HLA-DMA: variants seen among roughly 807,000 people sequenced by gnomAD.
The protein encoded by HLA-DMA is major histocompatibility complex, class II, DM alpha.
HLA-DMA carries 20 observed loss-of-function variants against 27.3 expected under a neutral mutation model. That is an observed-to-expected ratio of 0.73 (90% CI 0.52 to 1.07). The LOEUF (loss-of-function observed/expected upper bound fraction) is 1.07. Among genes scored for constraint, HLA-DMA ranks in the 50% least tolerant of loss-of-function variants. HLA-DMA has a pLI of 0.00. For synonymous variants in HLA-DMA, 111 were observed against 126.8 expected (o/e 0.88, Z 0.83); for missense variants, 241 against 321.7 (o/e 0.75, Z 1.92).
chr6:32,952,586 G>C, intron 1 of HLA-DMA: 1 of 422,188 alleles, frequency 2.4e-6, no homozygotes, highest in South Asian at 2.1e-5. Context: ...CACAAGATAA[G>C]TTAATGATAG....
At position 32,949,519 on chromosome 6, in the gene HLA-DMA, A is replaced by G; in HGVS notation, c.652+92T>C. On this transcript the variant is annotated intron_variant, in intron 3 of 4. Transcript: ENST00000374843. This position sits in a 1 kb window ranked among gnomAD's most constrained non-coding sequence, Gnocchi z 5.8. ...GATGGGCTTAGGGTAGGAATGGACT[A>G]AACAAGGTACCAGTGGAGAAAGAAG... 6.3e-7 allele frequency: 1 copy of G among 1,590,702 alleles called. No homozygotes were observed. Among genetic ancestry groups the G allele is most frequent in the East Asian group, 2.2e-5 (1 of 44,650 alleles).
Position 32,949,761 on chromosome 6 carries a change from C to A in HLA-DMA, c.502G>T (p.Val168Leu). 6.2e-7 allele frequency: 1 copy of A among 1,613,068 alleles called. No homozygotes were observed. The highest frequency in any genetic ancestry group is 8.5e-7 in the Non-Finnish European group (1 of 1,180,040). ...TVNWQHHSVP[V>L]EGFGPTFVSA... is the part of the protein sequence containing the mutation. ...ACAAAAGTAGGCCCAAATCCTTCCA[C>A]AGGGACGGAATGATGCTGCCAGTTC... The change falls in exon 3 of 5, where the codon GTG becomes TTG. Residue 168 changes from valine (V) to leucine (L), a missense_variant. Coordinates refer to ENST00000374843, the MANE Select transcript of HLA-DMA (RefSeq NM_006120.4). This position sits in a 1 kb window ranked among gnomAD's most constrained non-coding sequence, Gnocchi z 5.8.
Position 32,949,916 on chromosome 6 carries a change from G to GA in HLA-DMA, c.374-28dup. The GA allele has an allele frequency of 6.2e-7, 1 of 1,606,992 alleles. No homozygotes were observed. Among genetic ancestry groups the GA allele is most frequent in the Non-Finnish European group, 8.5e-7 (1 of 1,176,786 alleles). ...TGGTGGGGGGATTGAAGTGTAGGGGGAAAAAGAGACTAGTTTAGATGGTAT... is the reference window on the plus strand; with the variant it reads ...TGGTGGGGGGATTGAAGTGTAGGGGGAAAAAAGAGACTAGTTTAGATGGTAT... On this transcript the variant is annotated intron_variant, in intron 2 of 4. Transcript: ENST00000374843. The surrounding 1 kb of genome is among the most constrained non-coding windows in gnomAD (Gnocchi z 5.8).
In HLA-DMA at chr6:32,949,485, G is replaced by C; in HGVS notation, c.653-86C>G. 1 of 1,601,116 alleles carries C rather than the reference G, an allele frequency of 6.2e-7. No individual in the cohort carries two copies. Among genetic ancestry groups the C allele is most frequent in the Non-Finnish European group, 8.5e-7 (1 of 1,169,844 alleles). Reference sequence around the variant, plus strand: ...TGACGTGGGTGTCTGGGATGACATGGGAGACTGGGATGGGCTTAGGGTAGG... The same window carrying C: ...TGACGTGGGTGTCTGGGATGACATGCGAGACTGGGATGGGCTTAGGGTAGG... On this transcript the variant is annotated intron_variant, in intron 3 of 4. Coordinates refer to ENST00000374843, the MANE Select transcript of HLA-DMA (RefSeq NM_006120.4). This position sits in a 1 kb window ranked among gnomAD's most constrained non-coding sequence, Gnocchi z 5.8.
intron 1 of HLA-DMA, among the ~76,000 whole-genome samples, chr6:32,951,422 G>A (rs939184591): frequency 6.6e-6 from 1 of 151,860 alleles, no homozygotes. Flanking sequence ...TTGAGCCCAG[G>A]AGTTCAAGAC....
Position 32,952,900 on chromosome 6 carries a change from A to C in HLA-DMA, c.88+49T>G, listed in dbSNP as rs909610683. The C allele has an allele frequency of 4.2e-6, 6 of 1,424,112 alleles. No individual in the cohort carries two copies. The Admixed American group carries it at 6.9e-5, about 16-fold the overall frequency. 88.2% of individuals were successfully genotyped at this position (1,424,112 alleles called of 1,614,324 possible). On this transcript the variant is annotated intron_variant, in intron 1 of 4. Transcript: ENST00000374843. The stretch of plus-strand genomic sequence containing the variant: ...CACAGCGCTTTTCCTCACAAAGCTG[A>C]GTGGGCTCCCTAGGTTCAGGATGGA...
At chr6:32,952,023 G>A (rs993941477) in intron 1 of HLA-DMA, among the ~76,000 whole-genome samples, 4 of 152,134 alleles carry the variant, frequency 2.6e-5, no homozygotes, top group African/African-American at 9.7e-5. Context: ...TGTGTTTGGG[G>A]GCTGCACAAA....
chr6:32,950,527 A>C lies in HLA-DMA; in HGVS notation c.365T>G (p.Val122Gly). The change falls in exon 2 of 5, where the codon GTG (valine) becomes GGG (glycine). Residue 122 changes from valine (V) to glycine (G), a missense_variant. By Grantham distance (109) the Val-to-Gly change is moderately radical. Transcript: ENST00000374843. The surrounding 1 kb of genome is among the most constrained non-coding windows in gnomAD (Gnocchi z 5.0). ...CCCAGAAAACTCCTGACCTCTGGAC[A>C]CCGGGATTTTCCCATCAAGTTTTGG... ...IGPKLDGKIP[V>G]SRGFPIAEVF... is the part of the protein sequence containing the mutation. 6.2e-7 allele frequency: 1 copy of C among 1,613,034 alleles called. No individual in the cohort carries two copies. The highest frequency in any genetic ancestry group is 8.5e-7 in the Non-Finnish European group (1 of 1,180,008).
chr6:32,950,124 T>C lies in HLA-DMA; in HGVS notation c.374-235A>G. Reference sequence around the variant, plus strand: ...CAGGCTACTCTGGACCCCTCCACCATGACTTCCTTCAGCACTTCCTGTCTA... The same window carrying C: ...CAGGCTACTCTGGACCCCTCCACCACGACTTCCTTCAGCACTTCCTGTCTA... On this transcript the variant is annotated intron_variant, in intron 2 of 4. Coordinates refer to ENST00000374843, the MANE Select transcript of HLA-DMA (RefSeq NM_006120.4). The surrounding 1 kb of genome is among the most constrained non-coding windows in gnomAD (Gnocchi z 5.0). The C allele has an allele frequency of 1.7e-6, 1 of 599,714 alleles. No individual in the cohort carries two copies. Among genetic ancestry groups the C allele is most frequent in the East Asian group, 2.8e-5 (1 of 36,298 alleles). The allele number at this position is 599,714 out of a possible 1,614,324, so 37.1% of individuals were successfully genotyped here.
At position 32,949,525 on chromosome 6, in the gene HLA-DMA, G is replaced by C. The variant is rs2127480152; in HGVS notation, c.652+86C>G. ...CTTAGGGTAGGAATGGACTAAACAA[G>C]GTACCAGTGGAGAAAGAAGCCTCCT... On this transcript the variant is annotated intron_variant, in intron 3 of 4. Transcript: ENST00000374843. This position sits in a 1 kb window ranked among gnomAD's most constrained non-coding sequence, Gnocchi z 5.8. 1.3e-6 allele frequency: 2 copies of C among 1,588,870 alleles called. No individual in the cohort carries two copies. The highest frequency in any genetic ancestry group is 1.1e-5 in the South Asian group (1 of 89,406).
Position 32,949,577 on chromosome 6 carries a change from C to A in HLA-DMA, c.652+34G>T, listed in dbSNP as rs935820952. 5 of 1,607,824 alleles carry A rather than the reference C, an allele frequency of 3.1e-6. No individual in the cohort carries two copies. The highest frequency in any genetic ancestry group is 2.2e-5 in the South Asian group (2 of 90,788). On this transcript the variant is annotated intron_variant, in intron 3 of 4. Transcript: ENST00000374843. The surrounding 1 kb of genome is among the most constrained non-coding windows in gnomAD (Gnocchi z 5.8). ...CCATGGATCTATCCCTTTTTGCCCC[C>A]AAAAGGACCAGAATTCCAGGGAGAA...
Position 32,948,735 on chromosome 6 carries a change from A to T in HLA-DMA, c.*129T>A. 8.8e-7 allele frequency: 1 copy of T among 1,130,870 alleles called. No homozygotes were observed. The highest frequency in any genetic ancestry group is 1.3e-6 in the Non-Finnish European group (1 of 750,910). The allele number at this position is 1,130,870 out of a possible 1,614,324, so 70.1% of individuals were successfully genotyped here. ...AGCAGAGTCCCCAGGTGGGAAATCT[A>T]CACACACACCCCAGGGATGTCCCAG... On this transcript the variant is annotated 3_prime_UTR_variant, in exon 5 of 5. Coordinates refer to ENST00000374843, the MANE Select transcript of HLA-DMA (RefSeq NM_006120.4).
chr6:32,950,071 C>T lies in HLA-DMA; in HGVS notation c.374-182G>A. ...GAGGTCTTCTTCCAGGCAAGGACTG[C>T]AGCTAGACATAGAAGCAGAGCCAGA... On this transcript the variant is annotated intron_variant, in intron 2 of 4. Coordinates refer to ENST00000374843, the MANE Select transcript of HLA-DMA (RefSeq NM_006120.4). This position sits in a 1 kb window ranked among gnomAD's most constrained non-coding sequence, Gnocchi z 5.0. 1 of 638,258 alleles carries T rather than the reference C, an allele frequency of 1.6e-6. No individual in the cohort carries two copies. Among genetic ancestry groups the T allele is most frequent in the Non-Finnish European group, 2.7e-6 (1 of 372,164 alleles). 39.5% of individuals were successfully genotyped at this position (638,258 alleles called of 1,614,324 possible).
chr6:32,948,775 A>G lies in HLA-DMA; in HGVS notation c.*89T>C. 1 of 1,449,358 alleles carries G rather than the reference A, an allele frequency of 6.9e-7. No homozygotes were observed. Among genetic ancestry groups the G allele is most frequent in the Non-Finnish European group, 9.7e-7 (1 of 1,032,094 alleles). 89.8% of individuals were successfully genotyped at this position (1,449,358 alleles called of 1,614,324 possible). On this transcript the variant is annotated 3_prime_UTR_variant, in exon 5 of 5. Transcript: ENST00000374843. ...GGATGTCCCAGAGACTTCTACCCTA[A>G]GAGGAGATCCTGGGCAGGATGTGAG...
intron 4 of HLA-DMA, 100 bp from the exon 5 acceptor site, chr6:32,948,968 T>C (rs538684284): frequency 4.7e-5 from 64 of 1,347,374 alleles, no homozygotes; most frequent in Non-Finnish European, 6.2e-5. Context: ...TCGCCCTGCC[T>C]GCACCACACC....
rs1384572477 is a variant in HLA-DMA at position 32,949,774 on chromosome 6, A to G, written c.489T>C (p.His163=). The G allele has an allele frequency of 1.2e-6, 2 of 1,613,116 alleles. No individual in the cohort carries two copies. The highest frequency in any genetic ancestry group is 2.7e-5 in the African/African-American group (2 of 75,066). Residue 163 remains histidine (H), a synonymous_variant, in exon 3 of 5, where the codon CAT becomes CAC. Coordinates refer to ENST00000374843, the MANE Select transcript of HLA-DMA (RefSeq NM_006120.4). This position sits in a 1 kb window ranked among gnomAD's most constrained non-coding sequence, Gnocchi z 5.8. Reference sequence around the variant, plus strand: ...CAAATCCTTCCACAGGGACGGAATGATGCTGCCAGTTCACTGTCAGCATGG... The same window carrying G: ...CAAATCCTTCCACAGGGACGGAATGGTGCTGCCAGTTCACTGTCAGCATGG... ...FPPMLTVNWQ[H]HSVPVEGFGP...
In HLA-DMA at chr6:32,948,787, G is replaced by C; in HGVS notation, c.*77C>G. On this transcript the variant is annotated 3_prime_UTR_variant, in exon 5 of 5. Coordinates refer to ENST00000374843, the MANE Select transcript of HLA-DMA (RefSeq NM_006120.4). ...GACTTCTACCCTAAGAGGAGATCCT[G>C]GGCAGGATGTGAGAAATCTGAGCAT... 10 of 1,548,106 alleles carry C rather than the reference G, an allele frequency of 6.5e-6. No homozygotes were observed. Among genetic ancestry groups the C allele is most frequent in the Non-Finnish European group, 8.9e-6 (10 of 1,120,048 alleles).
At position 32,949,619 on chromosome 6, in the gene HLA-DMA, G is replaced by C; in HGVS notation, c.644C>G (p.Ala215Gly). 6.2e-7 allele frequency: 1 copy of C among 1,613,102 alleles called. No homozygotes were observed. The highest frequency in any genetic ancestry group is 1.1e-5 in the South Asian group (1 of 91,088). The stretch of plus-strand genomic sequence containing the variant: ...CAGGGAGAAAGCCTCACCCCAATAG[G>C]CAATTGCTGTGTAGCGGTCAATTTC... ...THEIDRYTAI[A>G]YWVPRNALPS... Residue 215 changes from alanine (A) to glycine (G), a missense_variant, in exon 3 of 5, where the codon GCC (alanine) becomes GGC (glycine). Ala to Gly is a moderately conservative substitution (Grantham distance 60, BLOSUM62 0). Coordinates refer to ENST00000374843, the MANE Select transcript of HLA-DMA (RefSeq NM_006120.4). The surrounding 1 kb of genome is among the most constrained non-coding windows in gnomAD (Gnocchi z 5.8).
Position 32,950,427 on chromosome 6 carries a change from A to G in HLA-DMA, c.373+92T>C. 1.4e-6 allele frequency: 2 copies of G among 1,410,942 alleles called. No individual in the cohort carries two copies. The highest frequency in any genetic ancestry group is 2.0e-6 in the Non-Finnish European group (2 of 1,018,446). The allele number at this position is 1,410,942 out of a possible 1,614,324, so 87.4% of individuals were successfully genotyped here. A position where few individuals can be genotyped will look rare whatever the true frequency, so the allele number is the denominator to read the frequency against. On this transcript the variant is annotated intron_variant, in intron 2 of 4. Coordinates refer to ENST00000374843, the MANE Select transcript of HLA-DMA (RefSeq NM_006120.4). This position sits in a 1 kb window ranked among gnomAD's most constrained non-coding sequence, Gnocchi z 5.0. ...TGAAGAGAACCAGAAAGTATTTGAG[A>G]TGGGGAGCTGGTATCAAGGGGAATT...
Sources: allele counts gnomAD v4.1 joint callset (sites outside exome capture counted in the v4.1 genomes callset), GRCh38; gene constraint gnomAD v4.1.1; non-coding constraint Gnocchi (gnomAD v3.1); transcripts MANE v1.5; gene names NCBI Gene and HGNC (gene_info 2026-07-23, HGNC 2026-07-21).